CFAP61: variants seen among roughly 807,000 people sequenced by gnomAD.
The protein encoded by CFAP61 is cilia- and flagella-associated protein 61.
In CFAP61, 107 loss-of-function variants were observed where a neutral mutation model predicts 135.6. The ratio of observed to expected loss-of-function variants is 0.79; its 90% CI spans 0.67 to 0.93. The LOEUF is 0.93. Among genes scored for constraint, CFAP61 ranks in the 40% least tolerant of loss-of-function variants. The probability of loss-of-function intolerance (pLI) is 0.00; values close to 1 mark genes in which losing one functional copy is unlikely to be tolerated. For synonymous variants in CFAP61, 575 were observed against 578.5 expected (o/e 0.99, Z 0.09); for missense variants, 1,507 against 1,556.2 (o/e 0.97, Z 0.53).
intron 6 of CFAP61, among the ~76,000 whole-genome samples, chr20:20,081,932 G>A (rs1164819475): frequency 6.6e-6 from 1 of 152,188 alleles, no homozygotes; most frequent in African/African-American, 2.4e-5. Flanking sequence ...GTGACAGTAT[G>A]GCAGTCAGTG....
Position 20,238,631 on chromosome 20 carries a change from A to G in CFAP61, c.2061-7486A>G, listed in dbSNP as rs574812764. On this transcript the variant is annotated intron_variant, in intron 18 of 26. Transcript: ENST00000245957. ...GCGATCGCCTAGCAGGCCGACATGTATCTACTGCCCAGAAGGGTAAGCACC... is the reference window on the plus strand; with the variant it reads ...GCGATCGCCTAGCAGGCCGACATGTGTCTACTGCCCAGAAGGGTAAGCACC... Among the ~76,000 whole-genome samples, 14 of 152,346 alleles carry G rather than the reference A, an allele frequency of 9.2e-5. No homozygotes were observed. In the South Asian group the frequency reaches 2.9e-3, roughly 32 times the overall value.
At chr20:20,327,398 G>T (rs888131882) in intron 25 of CFAP61, among the ~76,000 whole-genome samples, 27 of 152,048 alleles carry the variant, frequency 1.8e-4, no homozygotes, top group African/African-American at 6.5e-4. Context: ...AACTTCGAAG[G>T]CCAGTGCATA....
chr20:20,060,574 AT>A (rs1257656375), intron 2 of CFAP61, among the ~76,000 whole-genome samples: 1 of 152,232 alleles, frequency 6.6e-6, no homozygotes, highest in African/African-American at 2.4e-5. Context: ...TTCAGGTTTT[AT>A]TTAAGATGGA....
At chr20:20,296,869 C>T (rs1055104612) in intron 24 of CFAP61, among the ~76,000 whole-genome samples, 5 of 151,996 alleles carry the variant, frequency 3.3e-5, no homozygotes, top group Non-Finnish European at 5.9e-5. Flanking sequence ...CCCCCATTGT[C>T]GGTGGGCCAT....
chr20:20,100,590 C>T (rs1436914911), intron 8 of CFAP61, among the ~76,000 whole-genome samples: 2 of 152,184 alleles, frequency 1.3e-5, no homozygotes, highest in Non-Finnish European at 2.9e-5. Context: ...GTGCTTAGCT[C>T]AGCGCCAAAC....
chr20:20,183,661 C>T (rs2055283430), intron 13 of CFAP61, among the ~76,000 whole-genome samples: 1 of 77,770 alleles, frequency 1.3e-5, no homozygotes, highest in Non-Finnish European at 2.7e-5. Context: ...TCTTATTTAA[C>T]CCATTATATC....
At chr20:20,054,189 A>G (rs1692535761) in intron 1 of CFAP61, among the ~76,000 whole-genome samples, 1 of 151,780 alleles carries the variant, frequency 6.6e-6, no homozygotes, top group African/African-American at 2.4e-5. Flanking sequence ...TTCTTTCTAC[A>G]AGATTCTTTG....
At chr20:20,273,917 T>A (rs1163456592) in intron 21 of CFAP61, among the ~76,000 whole-genome samples, 2 of 152,230 alleles carry the variant, frequency 1.3e-5, no homozygotes, top group Admixed American at 6.5e-5. Context: ...GAAGCACTGG[T>A]TCCAGCTCAT....
rs191632363 is a variant in CFAP61 at position 20,177,752 on chromosome 20, G to A, written c.1385+8292G>A. Among the ~76,000 whole-genome samples the A allele has an allele frequency of 1.3e-4, 19 of 151,320 alleles. No homozygotes were observed. The East Asian group carries it at 3.1e-3, about 25-fold the overall frequency. ...TGCACAGTATATAGGCACTAAGGGCGAACGTGAAGAGTATAGCAGGTGTGG... is the reference window on the plus strand; with the variant it reads ...TGCACAGTATATAGGCACTAAGGGCAAACGTGAAGAGTATAGCAGGTGTGG... On this transcript the variant is annotated intron_variant, in intron 13 of 26. Coordinates refer to ENST00000245957, the MANE Select transcript of CFAP61 (RefSeq NM_015585.4).
intron 26 of CFAP61, among the ~76,000 whole-genome samples, chr20:20,349,560 G>A (rs2058756648): frequency 6.6e-6 from 1 of 152,246 alleles, no homozygotes; most frequent in African/African-American, 2.4e-5. Context: ...ATTCCAGCAT[G>A]AGAGTTGAAG....
At chr20:20,076,500 C>T (rs1187946822) in intron 6 of CFAP61, among the ~76,000 whole-genome samples, 2 of 152,272 alleles carry the variant, frequency 1.3e-5, no homozygotes, top group South Asian at 2.1e-4. Context: ...ATGACAGACC[C>T]CAAGTGAGGA....
At chr20:20,319,777 C>T (rs2057342427) in intron 25 of CFAP61, among the ~76,000 whole-genome samples, 1 of 152,148 alleles carries the variant, frequency 6.6e-6, no homozygotes. Context: ...ACTATTAGTG[C>T]TCATAAATGA....
chr20:20,062,242 T>A (rs1442768224), intron 2 of CFAP61, among the ~76,000 whole-genome samples: 1 of 152,138 alleles, frequency 6.6e-6, no homozygotes, highest in Non-Finnish European at 1.5e-5. Context: ...AAAAACCGTC[T>A]TGGAGGTTCT....
intron 25 of CFAP61, among the ~76,000 whole-genome samples, chr20:20,331,484 A>T (rs2122308645): frequency 1.3e-5 from 2 of 151,618 alleles, no homozygotes; most frequent in South Asian, 4.2e-4. Flanking sequence ...AAAGAGAATT[A>T]TTTTTAACAT....
At chr20:20,290,090 T>C (rs1437191190) in intron 23 of CFAP61, among the ~76,000 whole-genome samples, 1 of 152,178 alleles carries the variant, frequency 6.6e-6, no homozygotes, top group Non-Finnish European at 1.5e-5. Context: ...GGCGGCTACA[T>C]TATGGGATAT....
intron 25 of CFAP61, among the ~76,000 whole-genome samples, chr20:20,299,048 C>T (rs916444921): frequency 6.6e-6 from 1 of 152,122 alleles, no homozygotes; most frequent in Non-Finnish European, 1.5e-5. Flanking sequence ...TGATGCAGAC[C>T]CAGCACCAGA....
rs112295778 is a variant in CFAP61, at chr20:20,200,782, C to T, written c.1932+880C>T. ...ATGCTGAAATAAACACCTCGCAATA[C>T]GCTCGGCGCTGCAGGAAGGACATCA... On this transcript the variant is annotated intron_variant, in intron 17 of 26. Coordinates refer to ENST00000245957, the MANE Select transcript of CFAP61 (RefSeq NM_015585.4). 7.2e-4 allele frequency: 707 copies of T among 985,406 alleles called. 3 individuals are homozygous for T. The African/African-American group carries it at 0.011, about 15-fold the overall frequency. 61.0% of individuals were successfully genotyped at this position (985,406 alleles called of 1,614,324 possible).
chr20:20,149,423 C>T (rs75043155), intron 9 of CFAP61, among the ~76,000 whole-genome samples: 2,716 of 152,244 alleles, frequency 0.018, 78 homozygotes, highest in African/African-American at 0.062. Flanking sequence ...ACTTTTGCTT[C>T]GGAAACCATC....
intron 26 of CFAP61, among the ~76,000 whole-genome samples, chr20:20,351,656 C>CA (rs551106328): frequency 5.3e-5 from 8 of 150,792 alleles, no homozygotes; most frequent in Admixed American, 4.0e-4. Flanking sequence ...TACAAAGCAT[C>CA]AAAAAAAATA....
Sources: gnomAD v4.1 joint callset for allele counts (sites outside exome capture counted in the v4.1 genomes callset) on GRCh38, gnomAD v4.1.1 for gene constraint, MANE v1.5 for transcripts, NCBI Gene and HGNC (gene_info 2026-07-23, HGNC 2026-07-21) for gene names.